The following AOAH variants were observed in gnomAD, a reference collection of about 807,000 sequenced individuals.
AOAH encodes acyloxyacyl hydrolase.
AOAH carries 64 observed loss-of-function variants against 92.2 expected under a neutral mutation model. The ratio of observed to expected loss-of-function variants is 0.69; its 90% CI spans 0.57 to 0.86. AOAH has a LOEUF of 0.86. AOAH is among the 40% of genes least tolerant of loss of function. AOAH has a pLI of 0.00. For missense variants in AOAH, 656 were observed against 694.6 expected, an observed-to-expected ratio of 0.94 and a Z score of 0.62; for synonymous variants, 263 against 254.5, an observed-to-expected ratio of 1.03 and a Z score of -0.32.
At chr7:36,522,208 C>T in intron 19 of AOAH, 93 bp from the exon 20 acceptor site, 1 of 1,196,778 alleles carries the variant, frequency 8.4e-7, no homozygotes, top group South Asian at 1.3e-5. Flanking sequence ...CCATGCCCTC[C>T]CGGGCCCATG....
At chr7:36,600,235 T>C (rs1790452142) in intron 11 of AOAH, 1 of 152,268 alleles carries the variant, frequency 6.6e-6, no homozygotes, top group South Asian at 2.1e-4. Flanking sequence ...CTCTCTCCCT[T>C]CTACAAACAC....
chr7:36,520,387 A>T (rs149439430), intron 20 of AOAH, among the ~76,000 whole-genome samples: 14 of 152,296 alleles, frequency 9.2e-5, no homozygotes, highest in Admixed American at 6.5e-4. Flanking sequence ...GCAGAGAATG[A>T]TAAGAACTAG....
chr7:36,558,879 A>G (rs1787031508), intron 13 of AOAH, among the ~76,000 whole-genome samples: 1 of 152,220 alleles, frequency 6.6e-6, no homozygotes, highest in Admixed American at 6.5e-5. Context: ...GCCGTCTGTC[A>G]CCCACTTCCT....
intron 13 of AOAH, among the ~76,000 whole-genome samples, chr7:36,568,148 T>C (rs1393267961): frequency 1.3e-5 from 2 of 152,194 alleles, no homozygotes; most frequent in African/African-American, 4.8e-5. Flanking sequence ...AGGCAAGTTA[T>C]GGGAAGGTAA....
chr7:36,556,811 G>A (rs1786761727), intron 13 of AOAH, among the ~76,000 whole-genome samples: 1 of 144,832 alleles, frequency 6.9e-6, no homozygotes, highest in African/African-American at 2.6e-5. Flanking sequence ...TGCAACCCCT[G>A]CCTTTTTTTG....
chr7:36,542,514 A>T lies in AOAH; in HGVS notation c.1134-2023T>A, dbSNP rs557701803. Among the ~76,000 whole-genome samples the T allele has an allele frequency of 3.3e-5, 5 of 152,320 alleles. No homozygotes were observed. The South Asian group carries it at 1.0e-3, about 32-fold the overall frequency. On this transcript the variant is annotated intron_variant, in intron 15 of 20. Transcript: ENST00000617537. ...AGGGGGCAGAAAGGGGCCCCCAGGG[A>T]TCCATAATTCTCATTTTTAAGGGAG...
At position 36,724,211 on chromosome 7, in the gene AOAH, A is replaced by G; in HGVS notation, c.-63T>C. ...GAAGCTCCCAACTGAGGGATGCTGG[A>G]GCTGAGGCTGCAGAATCAATTGATC... On this transcript the variant is annotated 5_prime_UTR_variant, in exon 1 of 21. Transcript: ENST00000617537. 6.3e-7 allele frequency: 1 copy of G among 1,595,692 alleles called. No homozygotes were observed. The highest frequency in any genetic ancestry group is 8.6e-7 in the Non-Finnish European group (1 of 1,168,322).
intron 2 of AOAH, among the ~76,000 whole-genome samples, chr7:36,681,438 G>A (rs1301863606): frequency 6.6e-6 from 1 of 152,096 alleles, no homozygotes; most frequent in African/African-American, 2.4e-5. Context: ...GCATACAGTA[G>A]ACCATTGATG....
At chr7:36,631,906 T>C (rs1437923948) in intron 6 of AOAH, 130 bp downstream of exon 6, 1 of 702,020 alleles carries the variant, frequency 1.4e-6, no homozygotes, top group African/African-American at 1.8e-5. Flanking sequence ...TGCAATGTTT[T>C]GAGAAAGAAA....
chr7:36,677,512 T>C (rs35260197), intron 2 of AOAH, among the ~76,000 whole-genome samples: 4,287 of 152,298 alleles, frequency 0.028, 92 homozygotes, highest in Non-Finnish European at 0.04. Flanking sequence ...AGCCAGTTTG[T>C]AACCAGCCTA....
chr7:36,565,455 G>A (rs1787626273), intron 13 of AOAH, among the ~76,000 whole-genome samples: 1 of 151,716 alleles, frequency 6.6e-6, no homozygotes, highest in Non-Finnish European at 1.5e-5. Flanking sequence ...TTTTCATTTT[G>A]AAATGATTTC....
At chr7:36,581,311 G>A (rs1381390132) in intron 12 of AOAH, among the ~76,000 whole-genome samples, 2 of 152,134 alleles carry the variant, frequency 1.3e-5, no homozygotes, top group East Asian at 1.9e-4. Flanking sequence ...AGCTTCCAAC[G>A]TTTTGTGGCT....
At chr7:36,658,508 A>T (rs2116516269) in intron 4 of AOAH, among the ~76,000 whole-genome samples, 1 of 152,280 alleles carries the variant, frequency 6.6e-6, no homozygotes, top group African/African-American at 2.4e-5. Flanking sequence ...TCCTCTCCGC[A>T]ATCTAATTAA....
intron 1 of AOAH, among the ~76,000 whole-genome samples, chr7:36,692,248 C>G (rs1797446760): frequency 6.6e-6 from 1 of 152,196 alleles, no homozygotes; most frequent in Non-Finnish European, 1.5e-5. Context: ...CTCCCGTCTA[C>G]TAAGGCCACC....
chr7:36,609,147 C>T (rs1433747500), intron 11 of AOAH, among the ~76,000 whole-genome samples: 4 of 152,204 alleles, frequency 2.6e-5, no homozygotes, highest in Middle Eastern at 3.4e-3. Context: ...ATAAAGTATA[C>T]GGGATGGGAA....
chr7:36,599,859 A>G (rs1790422490), intron 11 of AOAH: 1 of 152,558 alleles, frequency 6.6e-6, no homozygotes, highest in African/African-American at 2.4e-5. Flanking sequence ...TCTCAGTCCC[A>G]CCGTGCCACC....
At chr7:36,555,717 A>G (rs890123647) in intron 13 of AOAH, among the ~76,000 whole-genome samples, 134 of 152,056 alleles carry the variant, frequency 8.8e-4, no homozygotes, top group African/African-American at 3.1e-3. Context: ...GTCTTGGGAG[A>G]GCGTATGTGT....
chr7:36,669,065 A>C (rs1056904159), intron 3 of AOAH, among the ~76,000 whole-genome samples: 1 of 152,238 alleles, frequency 6.6e-6, no homozygotes, highest in African/African-American at 2.4e-5. Flanking sequence ...GACCATCGTT[A>C]TCATCATAAA....
intron 12 of AOAH, among the ~76,000 whole-genome samples, chr7:36,588,851 C>T (rs1028479199): frequency 1.3e-5 from 2 of 152,262 alleles, no homozygotes; most frequent in African/African-American, 4.8e-5. Flanking sequence ...GTATTTGCTA[C>T]ATCTTTGGTT....
Sources: allele counts gnomAD v4.1 joint callset (sites outside exome capture counted in the v4.1 genomes callset), GRCh38; gene constraint gnomAD v4.1.1; transcripts MANE v1.5; gene names NCBI Gene and HGNC (gene_info 2026-07-23, HGNC 2026-07-21).